The following KCTD2 variants were observed in gnomAD, a reference collection of about 807,000 sequenced individuals.
KCTD2 encodes the protein BTB/POZ domain-containing protein KCTD2.
In KCTD2, 18 loss-of-function variants were observed where a neutral mutation model predicts 27.9. The ratio of observed to expected loss-of-function variants is 0.64; its 90% CI spans 0.45 to 0.96. The LOEUF (loss-of-function observed/expected upper bound fraction) is 0.96, where lower values mean the gene tolerates loss of function less well. KCTD2 is among the 40% of genes least tolerant of loss of function. KCTD2 has a pLI of 0.00. For missense variants in KCTD2, 280 were observed against 348.0 expected (o/e 0.80, Z 1.56); for synonymous variants, 175 against 148.4 (o/e 1.18, Z -1.30).
chr17:75,047,169 A>C, upstream of KCTD2: 1 of 375,724 alleles, frequency 2.7e-6, no homozygotes, highest in East Asian at 6.2e-5. Context: ...ACCCCCGCCG[A>C]TGGGCCGGCC....
At chr17:75,042,171 G>A (rs1448983884) in intron 3 of KCTD2, 19 of 1,612,296 alleles carry the variant, frequency 1.2e-5, no homozygotes, top group Non-Finnish European at 1.5e-5. Flanking sequence ...TTAGAGGTGT[G>A]AAGTCTCACC....
At chr17:75,043,331 G>A (rs542518448), upstream of KCTD2, among the ~76,000 whole-genome samples, 5 of 151,376 alleles carry the variant, frequency 3.3e-5, no homozygotes, top group Non-Finnish European at 5.9e-5. Flanking sequence ...AGCTCTCTTG[G>A]CCGGGCGCAG....
At chr17:75,046,143 C>T (rs999531111), upstream of KCTD2, among the ~76,000 whole-genome samples, 9 of 152,098 alleles carry the variant, frequency 5.9e-5, no homozygotes, top group South Asian at 6.2e-4. Flanking sequence ...AGTGTAGTGG[C>T]GTGGTCTCGG....
chr17:75,047,490 C>T lies in KCTD2; in HGVS notation c.240C>T (p.Gly80=), dbSNP rs780075309. The change falls in exon 1 of 6, where the codon GGC becomes GGT. Residue 80 remains glycine (G), a synonymous_variant. Coordinates refer to ENST00000322444, the MANE Select transcript of KCTD2 (RefSeq NM_015353.3). The part of the protein sequence containing the change: ...AARWVRLNVG[G]TYFVTTRQTL... ...GCTGGGTCAGGCTGAACGTGGGAGG[C>T]ACCTACTTCGTGACCACCAGACAGA... 12 of 1,601,998 alleles carry T rather than the reference C, an allele frequency of 7.5e-6. No individual in the cohort carries two copies. Among genetic ancestry groups the T allele is most frequent in the Admixed American group, 1.7e-5 (1 of 59,582 alleles).
intron 3 of KCTD2, chr17:75,038,980 G>C (rs1242869347): frequency 3.1e-6 from 5 of 1,614,052 alleles, no homozygotes; most frequent in Non-Finnish European, 4.2e-6. Context: ...ACTTTTTCTT[G>C]TCTAATTTGG....
chr17:75,053,237 G>A (rs1197184889), intron 3 of KCTD2, 132 bp downstream of exon 3: 4 of 694,668 alleles, frequency 5.8e-6, no homozygotes, highest in Non-Finnish European at 1.0e-5. Flanking sequence ...TGCAGGGAAT[G>A]CACACTCAGC....
chr17:75,060,580 G>C, intron 4 of KCTD2: 1 of 1,610,576 alleles, frequency 6.2e-7, no homozygotes, highest in Non-Finnish European at 8.5e-7. Context: ...GCAAAGAGCA[G>C]CTGGCCGGCG....
chr17:75,043,662 C>T (rs960647897), upstream of KCTD2, among the ~76,000 whole-genome samples: 1 of 151,402 alleles, frequency 6.6e-6, no homozygotes, highest in Non-Finnish European at 1.5e-5. Context: ...CTCCATGTGC[C>T]TCTGGAAAAA....
chr17:75,042,022 A>C, intron 3 of KCTD2: 2 of 610,536 alleles, frequency 3.3e-6, no homozygotes, highest in Non-Finnish European at 5.7e-6. Context: ...TCCTGCACCT[A>C]TTTACAGTTC....
In KCTD2 at chr17:75,064,589, A is replaced by AC. The variant is rs1567996121; in HGVS notation, c.*1542_*1543insC. 28 of 152,280 alleles carry AC rather than the reference A, an allele frequency of 1.8e-4. No homozygotes were observed. Among genetic ancestry groups the AC allele is most frequent in the African/African-American group, 6.0e-4 (25 of 41,532 alleles). 9.4% of individuals were successfully genotyped at this position (152,280 alleles called of 1,614,324 possible). A position where few individuals can be genotyped will look rare whatever the true frequency, so the allele number is the denominator to read the frequency against. Reference sequence around the variant, plus strand: ...GGCATAACTTTTCCCTAGGACCCTCAGTCTCCTTGTTTCTCTGTATCTGTA... The same window carrying AC: ...GGCATAACTTTTCCCTAGGACCCTCACGTCTCCTTGTTTCTCTGTATCTGTA... On this transcript the variant is annotated 3_prime_UTR_variant, in exon 6 of 6. Coordinates refer to ENST00000322444, the MANE Select transcript of KCTD2 (RefSeq NM_015353.3).
Position 75,049,235 on chromosome 17 carries a change from T to C in KCTD2, c.355T>C (p.Tyr119His). 1.9e-6 allele frequency: 3 copies of C among 1,610,928 alleles called. No individual in the cohort carries two copies. The highest frequency in any genetic ancestry group is 2.5e-6 in the Non-Finnish European group (3 of 1,177,124). Reference protein sequence around the residue: ...LDSDKDETGAYLIDRDPTYFG... With the variant: ...LDSDKDETGAHLIDRDPTYFG... ...TGGTTGGCAGGATGAGACAGGAGCC[T>C]ATCTGATTGACAGGGACCCCACCTA... The change falls in exon 2 of 6, where the codon TAT becomes CAT. Residue 119 changes from tyrosine to histidine, a missense_variant. Tyr to His is a moderately conservative substitution (Grantham distance 83). Coordinates refer to ENST00000322444, the MANE Select transcript of KCTD2 (RefSeq NM_015353.3).
intron 4 of KCTD2, among the ~76,000 whole-genome samples, chr17:75,061,462 A>G (rs1307896251): frequency 6.6e-6 from 1 of 152,198 alleles, no homozygotes; most frequent in Non-Finnish European, 1.5e-5. Flanking sequence ...CCTGGGCAAC[A>G]TAGCGAGACC....
chr17:75,059,563 G>A lies in KCTD2; in HGVS notation c.594G>A (p.Thr198=), dbSNP rs373370441. ...TGCAGTGTCAGGAAGAAGAGCTCAC[G>A]CAGATGGTGTCCACGATGTCCGACG... is the stretch of plus-strand genomic sequence containing the variant. ...RVLQCQEEEL[T]QMVSTMSDGW... is the part of the protein sequence containing the mutation. Residue 198 remains threonine (T), a synonymous_variant, in exon 4 of 6, where the codon ACG becomes ACA. Coordinates refer to ENST00000322444, the MANE Select transcript of KCTD2 (RefSeq NM_015353.3). 5.0e-6 allele frequency: 8 copies of A among 1,614,028 alleles called. No individual in the cohort carries two copies. The African/African-American group carries it at 5.3e-5, about 11-fold the overall frequency.
At position 75,053,858 on chromosome 17, in the gene KCTD2, C is replaced by CTTTTTTTTTTTTTTTT. The variant is rs71159419; in HGVS notation, c.540+764_540+779dup. Among the ~76,000 whole-genome samples, 15 of 59,322 alleles carry CTTTTTTTTTTTTTTTT rather than the reference C, an allele frequency of 2.5e-4. 2 individuals carry two copies. The highest frequency in any genetic ancestry group is 8.7e-4 in the African/African-American group (9 of 10,350). The allele number at this position is 59,322 out of a possible 152,430, so 38.9% of individuals were successfully genotyped here. On this transcript the variant is annotated intron_variant, in intron 3 of 5. Transcript: ENST00000322444. ...CTTCAGCAGCTGCTTGTGAACCATG[C>CTTTTTTTTTTTTTTTT]TTTTTTTTTTTTTTTTTTTTTTTTT...
In KCTD2 at chr17:75,053,036, T is replaced by C. The variant is rs1224613548; in HGVS notation, c.471T>C (p.Phe157=). 6.2e-7 allele frequency: 1 copy of C among 1,614,176 alleles called. No individual in the cohort carries two copies. Among genetic ancestry groups the C allele is most frequent in the Non-Finnish European group, 8.5e-7 (1 of 1,180,012 alleles). The part of the protein sequence containing the change: ...AEEGVLEEAE[F]YNIASLVRLV... ...CAGGTGTGCTGGAGGAAGCGGAGTT[T>C]TACAACATCGCGTCCCTTGTGCGGC... Residue 157 remains phenylalanine (F), a synonymous_variant, in exon 3 of 6, where the codon TTT becomes TTC. Transcript: ENST00000322444.
intron 4 of KCTD2, among the ~76,000 whole-genome samples, chr17:75,061,621 G>C (rs1457963214): frequency 6.6e-6 from 1 of 152,168 alleles, no homozygotes; most frequent in African/African-American, 2.4e-5. Flanking sequence ...CTGCACTCCA[G>C]CTTGGGTGAC....
intron 2 of KCTD2, among the ~76,000 whole-genome samples, chr17:75,050,997 G>A (rs61695347): frequency 0.038 from 5,480 of 144,174 alleles, 312 homozygotes; most frequent in African/African-American, 0.13. Context: ...TTTTTGAGAC[G>A]GAGTCTTGCT....
At chr17:75,038,263 T>A (rs1440056161) in intron 3 of KCTD2, among the ~76,000 whole-genome samples, 1 of 151,722 alleles carries the variant, frequency 6.6e-6, no homozygotes, top group East Asian at 2.0e-4. Context: ...GCCTCCCAAG[T>A]AGCTGGGATT....
chr17:75,060,108 CTG>C (rs2073388981), intron 4 of KCTD2, among the ~76,000 whole-genome samples: 1 of 152,164 alleles, frequency 6.6e-6, no homozygotes, highest in Non-Finnish European at 1.5e-5. Context: ...GTGCTTACGA[CTG>C]AGCTATCAAA....
Sources: gnomAD v4.1 joint callset for allele counts (sites outside exome capture counted in the v4.1 genomes callset) on GRCh38, gnomAD v4.1.1 for gene constraint, MANE v1.5 for transcripts, NCBI Gene and HGNC (gene_info 2026-07-23, HGNC 2026-07-21) for gene names.